Variants in CLIP4 observed in about 807,000 individuals in gnomAD.
The protein encoded by CLIP4 is CAP-Gly domain containing linker protein family member 4.
A neutral mutation model predicts 73.1 loss-of-function variants in CLIP4; 47 were observed. The observed-to-expected ratio is 0.64, with a 90% CI of 0.51 to 0.82. CLIP4 has a LOEUF of 0.82. Ranked by LOEUF, CLIP4 falls within the 40% of genes least tolerant of loss-of-function variation. CLIP4 has a pLI of 0.00. For synonymous variants in CLIP4, 306 were observed against 295.4 expected, an observed-to-expected ratio of 1.04 and a Z score of -0.37; for missense variants, 874 against 852.9, an observed-to-expected ratio of 1.02 and a Z score of -0.31.
chr2:29,169,333 GTGTGTGT>G lies in CLIP4; in HGVS notation c.1723+1794_1723+1800del, dbSNP rs1558579114. 9.9e-3 allele frequency among the ~76,000 whole-genome samples: 386 copies of G among 38,874 alleles called. 1 individual carries two copies. The highest frequency in any genetic ancestry group is 0.035 in the Middle Eastern group (4 of 114). 25.5% of individuals were successfully genotyped at this position (38,874 alleles called of 152,430 possible). ...GTTTTCATGCGGTCTTTTTCACTGTGTGTGTGTGTGTGTGTGTGTGTGTGTGTGTGTG... is the reference window on the plus strand; with the variant it reads ...GTTTTCATGCGGTCTTTTTCACTGTGGTGTGTGTGTGTGTGTGTGTGTGTG... On this transcript the variant is annotated intron_variant, in intron 14 of 15. Transcript: ENST00000320081.
At chr2:29,132,604 C>T (rs1665055740) in intron 4 of CLIP4, 1 of 207,590 alleles carries the variant, frequency 4.8e-6, no homozygotes, top group Admixed American at 5.7e-5. Flanking sequence ...GTCTTGAGAC[C>T]TAAGGTCTGT....
At chr2:29,131,152 A>T in intron 2 of CLIP4, 106 bp from the exon 3 acceptor site, 1 of 1,016,996 alleles carries the variant, frequency 9.8e-7, no homozygotes, top group Non-Finnish European at 1.4e-6. Flanking sequence ...TTTTTTTAGC[A>T]TCTAAAATAT....
intron 2 of CLIP4, among the ~76,000 whole-genome samples, chr2:29,127,945 T>TA (rs1420759377): frequency 6.6e-6 from 1 of 152,180 alleles, no homozygotes; most frequent in Non-Finnish European, 1.5e-5. Flanking sequence ...TTATGACTGA[T>TA]AAAATTATAC....
At chr2:29,110,057 C>CA (rs200055477) in intron 1 of CLIP4, among the ~76,000 whole-genome samples, 3,366 of 149,334 alleles carry the variant, frequency 0.023, 116 homozygotes, top group African/African-American at 0.08. Context: ...GATTCTGTCT[C>CA]AAAAAAATAA....
At chr2:29,134,537 C>T (rs143509589) in intron 5 of CLIP4, among the ~76,000 whole-genome samples, 377 of 152,138 alleles carry the variant, frequency 2.5e-3, no homozygotes, top group African/African-American at 8.6e-3. Flanking sequence ...AAAATTCTAC[C>T]TTTTCAATTT....
At chr2:29,169,330 T>TGG (rs1491551999) in intron 14 of CLIP4, among the ~76,000 whole-genome samples, 5 of 774 alleles carry the variant, frequency 6.5e-3, no homozygotes, top group Admixed American at 0.042. Flanking sequence ...TCTTTTTCAC[T>TGG]GTGTGTGTGT....
chr2:29,162,175 A>G (rs1410100515), intron 12 of CLIP4, among the ~76,000 whole-genome samples: 1 of 152,194 alleles, frequency 6.6e-6, no homozygotes, highest in Non-Finnish European at 1.5e-5. Flanking sequence ...TTTGGATATA[A>G]TTCTTCATTT....
At chr2:29,105,016 G>A (rs1257035157) in intron 1 of CLIP4, among the ~76,000 whole-genome samples, 2 of 151,968 alleles carry the variant, frequency 1.3e-5, no homozygotes, top group East Asian at 1.9e-4. Flanking sequence ...TGTCCAATGG[G>A]CACATATCCA....
chr2:29,154,235 G>T (rs928199981), intron 9 of CLIP4, among the ~76,000 whole-genome samples: 1 of 152,180 alleles, frequency 6.6e-6, no homozygotes, highest in Non-Finnish European at 1.5e-5. Context: ...AATATAGACA[G>T]AAAGCTCCAA....
At chr2:29,167,980 T>G (rs1249277406) in intron 14 of CLIP4, 1 of 152,474 alleles carries the variant, frequency 6.6e-6, no homozygotes, top group Non-Finnish European at 1.5e-5. Context: ...TATTACAAAC[T>G]ATGTTCTTGT....
chr2:29,117,594 AGT>A (rs1385969175), intron 1 of CLIP4, among the ~76,000 whole-genome samples: 1 of 152,210 alleles, frequency 6.6e-6, no homozygotes, highest in Non-Finnish European at 1.5e-5. Flanking sequence ...GGCCTCCCGA[AGT>A]GTTGGGATTA....
chr2:29,152,681 TTAGGTATTTTTGC>T lies in CLIP4; in HGVS notation c.1022-3_1031del. The T allele has an allele frequency of 6.2e-7, 1 of 1,612,560 alleles. No individual in the cohort carries two copies. On this transcript the variant is annotated splice_acceptor_variant and splice_polypyrimidine_tract_variant and coding_sequence_variant and intron_variant, in exon 9 of 16. Coordinates refer to ENST00000320081, the MANE Select transcript of CLIP4 (RefSeq NM_024692.6). LOFTEE classifies it high-confidence loss of function. Reference sequence around the variant, plus strand: ...TAACACTAAAATTCTGCATTCTCCCTTAGGTATTTTTGCACCTCTTTCAAAGATAAGTAAAGCA... The same window carrying T: ...TAACACTAAAATTCTGCATTCTCCCTACCTCTTTCAAAGATAAGTAAAGCA...
chr2:29,141,341 A>G (rs1665751953), intron 6 of CLIP4, among the ~76,000 whole-genome samples: 1 of 152,170 alleles, frequency 6.6e-6, no homozygotes, highest in African/African-American at 2.4e-5. Context: ...TATTAAGTCT[A>G]ACTGGTCAAG....
intron 12 of CLIP4, among the ~76,000 whole-genome samples, chr2:29,161,649 A>G (rs1667298291): frequency 1.3e-5 from 2 of 152,118 alleles, no homozygotes; most frequent in African/African-American, 4.8e-5. Flanking sequence ...CTTAGTGCCA[A>G]TTCCCACAGG....
At chr2:29,138,835 C>T (rs762378187) in intron 6 of CLIP4, among the ~76,000 whole-genome samples, 3 of 151,900 alleles carry the variant, frequency 2.0e-5, no homozygotes, top group Non-Finnish European at 2.9e-5. Flanking sequence ...TACTGATTTT[C>T]GTATATTGAT....
intron 2 of CLIP4, among the ~76,000 whole-genome samples, chr2:29,127,073 T>G (rs1471848345): frequency 1.3e-5 from 2 of 152,232 alleles, no homozygotes; most frequent in East Asian, 3.9e-4. Context: ...CAAAATAAGT[T>G]TTGTCTCATT....
chr2:29,131,367 C>A lies in CLIP4; in HGVS notation c.243C>A (p.Val81=), dbSNP rs1362007559. The A allele has an allele frequency of 6.2e-7, 1 of 1,602,698 alleles. No homozygotes were observed. The highest frequency in any genetic ancestry group is 8.5e-7 in the Non-Finnish European group (1 of 1,176,328). Residue 81 remains valine (V), a synonymous_variant, in exon 3 of 16, where the codon GTC becomes GTA. Coordinates refer to ENST00000320081, the MANE Select transcript of CLIP4 (RefSeq NM_024692.6). ...FAILRQWVPQ[V]QQNIDIIGNE... ...TTTTGAGACAGTGGGTTCCTCAGGT[C>A]CAACAAAACATTGACATTATTGGAA...
In CLIP4 at chr2:29,182,861, A is replaced by G. The variant is rs1412287492; in HGVS notation, c.*968A>G. On this transcript the variant is annotated 3_prime_UTR_variant, in exon 16 of 16. Transcript: ENST00000320081. The stretch of plus-strand genomic sequence containing the variant: ...CTCCTGGGATATGAGAAACATTTTA[A>G]AAAACGTATTTAACAGAAGAGAGCA... 2 of 152,798 alleles carry G rather than the reference A, an allele frequency of 1.3e-5. No individual in the cohort carries two copies. The highest frequency in any genetic ancestry group is 3.4e-3 in the Middle Eastern group (1 of 294). The allele number at this position is 152,798 out of a possible 1,614,324, so 9.5% of individuals were successfully genotyped here.
intron 13 of CLIP4, among the ~76,000 whole-genome samples, chr2:29,165,555 A>G (rs1249037518): frequency 6.6e-6 from 1 of 152,200 alleles, no homozygotes; most frequent in Admixed American, 6.5e-5. Flanking sequence ...CTTCGTCAGG[A>G]CATACATCTT....
Sources: gnomAD v4.1 joint callset for allele counts (sites outside exome capture counted in the v4.1 genomes callset) on GRCh38, gnomAD v4.1.1 for gene constraint, MANE v1.5 for transcripts, NCBI Gene and HGNC (gene_info 2026-07-23, HGNC 2026-07-21) for gene names.